The following CXCL13 variants were observed in gnomAD, a reference collection of about 807,000 sequenced individuals.
CXCL13 encodes the protein C-X-C motif chemokine 13.
In CXCL13, 7 loss-of-function variants were observed where a neutral mutation model predicts 12.2. The ratio of observed to expected loss-of-function variants is 0.57; its 90% CI spans 0.33 to 1.07. The LOEUF is 1.07. CXCL13 is among the 50% of genes least tolerant of loss of function. CXCL13 has a pLI of 0.04. For synonymous variants in CXCL13, 47 were observed against 42.4 expected (o/e 1.11, Z -0.42); for missense variants, 113 against 127.4 (o/e 0.89, Z 0.55).
intron 1 of CXCL13, among the ~76,000 whole-genome samples, chr4:77,547,979 C>T (rs1418483000): frequency 2.0e-5 from 3 of 151,986 alleles, no homozygotes; most frequent in Non-Finnish European, 4.4e-5. Context: ...TTTTATATCT[C>T]ATTTGTTTAT....
intron 1 of CXCL13, among the ~76,000 whole-genome samples, chr4:77,561,252 T>C (rs1725803632): frequency 6.6e-6 from 1 of 152,216 alleles, no homozygotes; most frequent in South Asian, 2.1e-4. Flanking sequence ...CTGTTAGAAA[T>C]GTAGAAAATT....
At chr4:77,569,785 T>C (rs1726022723) in intron 1 of CXCL13, among the ~76,000 whole-genome samples, 1 of 152,158 alleles carries the variant, frequency 6.6e-6, no homozygotes, top group African/African-American at 2.4e-5. Flanking sequence ...CTAAAATTCA[T>C]ATGGAACCAA....
intron 1 of CXCL13, among the ~76,000 whole-genome samples, chr4:77,595,099 T>A (rs1297228763): frequency 4.5e-3 from 5 of 1,114 alleles, no homozygotes; most frequent in Non-Finnish European, 6.8e-3. Context: ...TTTTAGGTGA[T>A]TTTTTTTTTT....
intron 1 of CXCL13, among the ~76,000 whole-genome samples, chr4:77,521,232 A>G (rs1403113278): frequency 1.3e-5 from 2 of 152,154 alleles, no homozygotes; most frequent in African/African-American, 4.8e-5. Context: ...CTGGCCTCAT[A>G]AATGAGTTAG....
chr4:77,596,131 A>G (rs1726743975), intron 1 of CXCL13, among the ~76,000 whole-genome samples: 1 of 152,220 alleles, frequency 6.6e-6, no homozygotes, highest in South Asian at 2.1e-4. Flanking sequence ...CAAGAAATAC[A>G]ATGGAATTTT....
chr4:77,561,942 G>GTGC (rs1725825396), intron 1 of CXCL13, among the ~76,000 whole-genome samples: 1 of 152,214 alleles, frequency 6.6e-6, no homozygotes, highest in African/African-American at 2.4e-5. Context: ...GCCAGCACAA[G>GTGC]TTCTGGGTGG....
At chr4:77,570,750 T>C (rs2584815) in intron 1 of CXCL13, among the ~76,000 whole-genome samples, 66,181 of 150,236 alleles carry the variant, frequency 0.44, 15,202 homozygotes, top group African/African-American at 0.56. Flanking sequence ...GGTGGTCCTA[T>C]AGTCAGAGCG....
At chr4:77,592,539 C>T (rs535494483) in intron 1 of CXCL13, among the ~76,000 whole-genome samples, 1 of 152,132 alleles carries the variant, frequency 6.6e-6, no homozygotes, top group South Asian at 2.1e-4. Flanking sequence ...TACAATTATT[C>T]CACTATATAT....
chr4:77,538,339 T>C (rs533941109), intron 1 of CXCL13, among the ~76,000 whole-genome samples: 13 of 152,182 alleles, frequency 8.5e-5, no homozygotes, highest in African/African-American at 2.9e-4. Flanking sequence ...TGGTTTGGTT[T>C]TTTTTTTAAT....
Position 77,611,242 on chromosome 4 carries a change from G to A in CXCL13, c.*203G>A, listed in dbSNP as rs1727145666. On this transcript the variant is annotated 3_prime_UTR_variant, in exon 4 of 4. Transcript: ENST00000682537. ...AGCACCCTATATACACTTGGAGTTT[G>A]CATTCTTATTCATCAGGGAGGAAAG... 4.5e-6 allele frequency: 2 copies of A among 440,124 alleles called. No individual in the cohort carries two copies. The highest frequency in any genetic ancestry group is 2.0e-5 in the African/African-American group (1 of 49,870). The allele number at this position is 440,124 out of a possible 1,614,324, so 27.3% of individuals were successfully genotyped here.
chr4:77,553,324 C>T (rs1332157929), intron 1 of CXCL13, among the ~76,000 whole-genome samples: 1 of 152,204 alleles, frequency 6.6e-6, no homozygotes, highest in Admixed American at 6.5e-5. Context: ...ATCTGTGGCC[C>T]AGGACTGAAG....
At chr4:77,589,487 T>C (rs1012781551) in intron 1 of CXCL13, among the ~76,000 whole-genome samples, 14 of 152,214 alleles carry the variant, frequency 9.2e-5, no homozygotes, top group African/African-American at 3.1e-4. Context: ...TTCTGTTTTG[T>C]TACTATTAAT....
intron 1 of CXCL13, among the ~76,000 whole-genome samples, chr4:77,581,721 T>C (rs535612693): frequency 3.0e-4 from 46 of 152,284 alleles, no homozygotes; most frequent in Non-Finnish European, 5.9e-4. Flanking sequence ...TCTACAATCT[T>C]TTCCCACTAT....
At chr4:77,539,444 C>T (rs1412343635) in intron 1 of CXCL13, among the ~76,000 whole-genome samples, 2 of 152,144 alleles carry the variant, frequency 1.3e-5, no homozygotes, top group Non-Finnish European at 2.9e-5. Flanking sequence ...GACCTTTTGA[C>T]TTGAGGTTTT....
chr4:77,528,184 G>A (rs1393110857), intron 1 of CXCL13, among the ~76,000 whole-genome samples: 1 of 152,074 alleles, frequency 6.6e-6, no homozygotes, highest in African/African-American at 2.4e-5. Flanking sequence ...TATCATTGTT[G>A]GACATTTGGT....
At chr4:77,539,888 C>A (rs1263733204) in intron 1 of CXCL13, among the ~76,000 whole-genome samples, 2 of 152,108 alleles carry the variant, frequency 1.3e-5, no homozygotes, top group African/African-American at 4.8e-5. Context: ...CTATCCTGCT[C>A]AGCTCCTATC....
intron 1 of CXCL13, among the ~76,000 whole-genome samples, chr4:77,586,205 T>G (rs1414304172): frequency 6.6e-6 from 1 of 151,890 alleles, no homozygotes; most frequent in Non-Finnish European, 1.5e-5. Context: ...AAGGTGAAAG[T>G]CTAAATTTGA....
At chr4:77,601,404 T>C (rs1329245118), upstream of CXCL13, among the ~76,000 whole-genome samples, 3 of 151,634 alleles carry the variant, frequency 2.0e-5, no homozygotes, top group African/African-American at 7.3e-5. Flanking sequence ...AATGGTAAAA[T>C]AAAAAGAAAA....
At chr4:77,571,773 G>T (rs531554979) in intron 1 of CXCL13, among the ~76,000 whole-genome samples, 1 of 151,706 alleles carries the variant, frequency 6.6e-6, no homozygotes, top group Non-Finnish European at 1.5e-5. Context: ...TGGAAGCTTT[G>T]TTCTTTTGCT....
Sources: allele counts gnomAD v4.1 joint callset (sites outside exome capture counted in the v4.1 genomes callset), GRCh38; gene constraint gnomAD v4.1.1; transcripts MANE v1.5; gene names NCBI Gene and HGNC (gene_info 2026-07-23, HGNC 2026-07-21).